Variants in CAPN8 observed in about 807,000 individuals in gnomAD.
The protein encoded by CAPN8 is calpain 8, also known as calpain-8.
In CAPN8, 87 loss-of-function variants were observed where a neutral mutation model predicts 80.9. The ratio of observed to expected loss-of-function variants is 1.07; its 90% CI spans 0.90 to 1.28. The LOEUF is 1.28. Among genes scored for constraint, CAPN8 ranks in the 50% most tolerant of loss-of-function variants. CAPN8 has a pLI of 0.00. For synonymous variants in CAPN8, 299 were observed against 273.8 expected (o/e 1.09, Z -0.91); for missense variants, 757 against 702.0 (o/e 1.08, Z -0.89).
At chr1:223,625,596 C>T (rs1036288598) in intron 6 of CAPN8, among the ~76,000 whole-genome samples, 6 of 152,132 alleles carry the variant, frequency 3.9e-5, no homozygotes, top group Non-Finnish European at 7.4e-5. Context: ...CACACCTGGC[C>T]GGAAGAGCTG....
Position 223,625,869 on chromosome 1 carries a change from G to C in CAPN8, c.749C>G (p.Ala250Gly). The part of the protein sequence containing the change: ...CSIDVSSAAE[A>G]EAITSQKLVK... The stretch of plus-strand genomic sequence containing the variant: ...CAGCTTCTGGCTGGTGATGGCTTCG[G>C]CTTCGGCTGCACTGGAGACCTGCGT... Residue 250 changes from alanine (A) to glycine (G), a missense_variant, in exon 6 of 21, where the codon GCC (alanine) becomes GGC (glycine). By Grantham distance (60) the Ala-to-Gly change is moderately conservative (BLOSUM62 0). Coordinates refer to ENST00000366872, the MANE Select transcript of CAPN8 (RefSeq NM_001143962.2). 2 of 1,551,494 alleles carry C rather than the reference G, an allele frequency of 1.3e-6. No homozygotes were observed. Among genetic ancestry groups the C allele is most frequent in the Non-Finnish European group, 1.7e-6 (2 of 1,146,812 alleles).
chr1:223,662,271 C>T (rs1297477579), intron 1 of CAPN8, among the ~76,000 whole-genome samples: 1 of 152,110 alleles, frequency 6.6e-6, no homozygotes, highest in South Asian at 2.1e-4. Flanking sequence ...AACATGGCAA[C>T]ACCCGATCTC....
chr1:223,638,765 T>A (rs1446258076), intron 2 of CAPN8, among the ~76,000 whole-genome samples: 1 of 152,134 alleles, frequency 6.6e-6, no homozygotes, highest in Non-Finnish European at 1.5e-5. Context: ...AGAACATGAG[T>A]CCCTATGCTG....
At chr1:223,545,376 A>T in intron 16 of CAPN8, 77 bp from the exon 17 acceptor site, 1 of 1,547,236 alleles carries the variant, frequency 6.5e-7, no homozygotes, top group Non-Finnish European at 8.7e-7. Context: ...GTGAGCTTGC[A>T]TGAGTGCCTT....
chr1:223,619,409 A>T lies in CAPN8; in HGVS notation c.1019T>A (p.Ile340Asn), dbSNP rs955397607. ...DFVRQFSRLE[I>N]CNLSPDSLSS... ...CAGAGAGTCCGGGGACAGGTTGCAG[A>T]TCTCCAACCGAGAGAACTGCCTCAC... The change falls in exon 9 of 21, where the codon ATC becomes AAC. Residue 340 changes from isoleucine (I) to asparagine (N), a missense_variant. Coordinates refer to ENST00000366872, the MANE Select transcript of CAPN8 (RefSeq NM_001143962.2). 32 of 1,551,534 alleles carry T rather than the reference A, an allele frequency of 2.1e-5. No individual in the cohort carries two copies. Among genetic ancestry groups the T allele is most frequent in the Non-Finnish European group, 2.7e-5 (31 of 1,147,010 alleles).
chr1:223,541,906 G>T, intron 20 of CAPN8, 47 bp from the exon 21 acceptor site: 3 of 1,551,334 alleles, frequency 1.9e-6, no homozygotes, highest in Non-Finnish European at 2.6e-6. Flanking sequence ...TCAGGGGCTG[G>T]TGTGCTTTCA....
chr1:223,663,194 C>T (rs1280194493), intron 1 of CAPN8, among the ~76,000 whole-genome samples: 2 of 152,154 alleles, frequency 1.3e-5, no homozygotes, highest in Non-Finnish European at 2.9e-5. Context: ...TTCCACAGAC[C>T]ACGAGGACAG....
chr1:223,621,793 G>T (rs141593110), intron 7 of CAPN8, among the ~76,000 whole-genome samples: 24 of 152,204 alleles, frequency 1.6e-4, no homozygotes, highest in African/African-American at 5.1e-4. Flanking sequence ...GATTAAGGAC[G>T]TATTGGGAGG....
chr1:223,552,559 C>CAAAAAAAAAAAAAAAAAAAAA (rs1167143421), intron 14 of CAPN8, among the ~76,000 whole-genome samples: 2 of 65,676 alleles, frequency 3.0e-5, no homozygotes, highest in Non-Finnish European at 5.8e-5. Flanking sequence ...CAGTCCATCT[C>CAAAAAAAAAAAAAAAAAAAAA]AAAAAAAAAA....
At chr1:223,643,209 A>C (rs1301402579) in intron 2 of CAPN8, among the ~76,000 whole-genome samples, 1 of 152,262 alleles carries the variant, frequency 6.6e-6, no homozygotes, top group African/African-American at 2.4e-5. Flanking sequence ...GATGAGATAC[A>C]AAAATGGCAC....
rs80260256 is a variant in CAPN8 at position 223,627,633 on chromosome 1, G to C, written c.560+376C>G. Among the ~76,000 whole-genome samples the C allele has an allele frequency of 5.1e-3, 777 of 152,344 alleles. 31 individuals are homozygous for C. The South Asian group carries it at 0.083, about 16-fold the overall frequency. On this transcript the variant is annotated intron_variant, in intron 4 of 20. Coordinates refer to ENST00000366872, the MANE Select transcript of CAPN8 (RefSeq NM_001143962.2). ...CTGGTGAGAAGAACTCCTGAGGAAA[G>C]AGCAGACACTTTGTTGAGTTTGGTA...
At chr1:223,619,475 G>T (rs759759114) in intron 8 of CAPN8, 22 bp from the exon 9 acceptor site, 4 of 1,551,084 alleles carry the variant, frequency 2.6e-6, no homozygotes, top group Non-Finnish European at 3.5e-6. Flanking sequence ...GCACCAGAGG[G>T]CTCTCAGTGA....
Position 223,555,577 on chromosome 1 carries a change from C to T in CAPN8, c.1573-1677G>A, listed in dbSNP as rs1325446215. ...ACAACATTATATCATTCATGTAATA[C>T]AGTATGCCAAAATCTTGGATGTCCA... On this transcript the variant is annotated intron_variant, in intron 13 of 20. Transcript: ENST00000366872. Among the ~76,000 whole-genome samples the T allele has an allele frequency of 3.9e-5, 6 of 152,222 alleles. No individual in the cohort carries two copies. The South Asian group carries it at 1.0e-3, about 26-fold the overall frequency.
chr1:223,609,351 G>T lies in CAPN8; in HGVS notation c.1337C>A (p.Thr446Lys). ...GAAATCCCGGCCCAAGTGTGCGTCC[G>T]TGTGACTCTCCAGCTGCACGAAACA... Reference protein sequence around the residue: ...YQVPKELESHTDAHLGRDFFL... With the variant: ...YQVPKELESHKDAHLGRDFFL... Residue 446 changes from threonine (T) to lysine (K), a missense_variant, in exon 12 of 21, where the codon ACG becomes AAG. Physicochemically the swap from Thr to Lys is moderately conservative, Grantham distance 78 (BLOSUM62 -1). Coordinates refer to ENST00000366872, the MANE Select transcript of CAPN8 (RefSeq NM_001143962.2). 5.0e-6 allele frequency: 2 copies of T among 398,572 alleles called. No individual in the cohort carries two copies. The highest frequency in any genetic ancestry group is 8.8e-6 in the Non-Finnish European group (2 of 226,058). 24.7% of individuals were successfully genotyped at this position (398,572 alleles called of 1,614,324 possible).
At chr1:223,665,158 C>A (rs1030890473) in intron 1 of CAPN8, among the ~76,000 whole-genome samples, 3 of 151,882 alleles carry the variant, frequency 2.0e-5, no homozygotes, top group Non-Finnish European at 4.4e-5. Flanking sequence ...GAGGCTGAGG[C>A]AGGAGAATCA....
At chr1:223,621,054 G>A (rs1423034995) in intron 7 of CAPN8, among the ~76,000 whole-genome samples, 5 of 151,608 alleles carry the variant, frequency 3.3e-5, no homozygotes, top group Middle Eastern at 3.2e-3. Context: ...ACACTCCAGC[G>A]CAGCCTCTTC....
rs923333432 is a variant in CAPN8 at position 223,645,069 on chromosome 1, G to A, written c.307+9261C>T. 4.6e-5 allele frequency among the ~76,000 whole-genome samples: 7 copies of A among 152,142 alleles called. No individual in the cohort carries two copies. The East Asian group carries it at 5.8e-4, about 13-fold the overall frequency. ...CCCCAAAAGCAGGGAAGCCAACAGC[G>A]CAGCCTTCAGTCTGTGGCCAAAGGC... is the stretch of plus-strand genomic sequence containing the variant. On this transcript the variant is annotated intron_variant, in intron 2 of 20. Transcript: ENST00000366872.
chr1:223,626,058 T>C (rs1457603488), intron 5 of CAPN8, among the ~76,000 whole-genome samples, 170 bp from the exon 6 acceptor site: 2 of 152,152 alleles, frequency 1.3e-5, no homozygotes, highest in African/African-American at 4.8e-5. Flanking sequence ...CCAGACTCCC[T>C]CTTTAATTAG....
At chr1:223,612,588 T>C (rs1488944524) in intron 10 of CAPN8, among the ~76,000 whole-genome samples, 1 of 152,108 alleles carries the variant, frequency 6.6e-6, no homozygotes, top group African/African-American at 2.4e-5. Context: ...GCTAATCTCT[T>C]CTTCAGACCT....
Sources: allele counts gnomAD v4.1 joint callset (sites outside exome capture counted in the v4.1 genomes callset), GRCh38; gene constraint gnomAD v4.1.1; transcripts MANE v1.5; gene names NCBI Gene and HGNC (gene_info 2026-07-23, HGNC 2026-07-21).